Variants in PATJ observed in about 807,000 individuals in gnomAD.
PATJ encodes the protein PATJ crumbs cell polarity complex component, also known as inaD-like protein.
In PATJ, 190 loss-of-function variants were observed where a neutral mutation model predicts 224.9. The observed-to-expected ratio is 0.84, with a 90% CI of 0.75 to 0.95. PATJ has a LOEUF of 0.95. Ranked by LOEUF, PATJ falls within the 40% of genes least tolerant of loss-of-function variation. The probability of loss-of-function intolerance (pLI) is 0.00; values close to 1 mark genes in which losing one functional copy is unlikely to be tolerated. For synonymous variants in PATJ, 769 were observed against 820.3 expected (o/e 0.94, Z 1.07); for missense variants, 2,121 against 2,270.3 (o/e 0.93, Z 1.34).
intron 41 of PATJ, among the ~76,000 whole-genome samples, chr1:62,133,324 G>C (rs780913161): frequency 1.3e-5 from 2 of 152,108 alleles, no homozygotes; most frequent in East Asian, 3.9e-4. Context: ...GCTCATACCT[G>C]TAATCCCAGC....
At chr1:61,954,755 GTT>G (rs1553219493) in intron 27 of PATJ, among the ~76,000 whole-genome samples, 1 of 74,286 alleles carries the variant, frequency 1.3e-5, no homozygotes, top group African/African-American at 3.8e-5. Flanking sequence ...AAACTCTATT[GTT>G]TTTTTTTTTT....
intron 7 of PATJ, among the ~76,000 whole-genome samples, chr1:61,785,535 G>C (rs1648320419): frequency 6.6e-6 from 1 of 152,156 alleles, no homozygotes; most frequent in Admixed American, 6.5e-5. Flanking sequence ...TTTGAAAGTT[G>C]TCCTTCTCTA....
At chr1:62,046,099 G>A (rs1652499761) in intron 30 of PATJ, among the ~76,000 whole-genome samples, 1 of 152,094 alleles carries the variant, frequency 6.6e-6, no homozygotes, top group Non-Finnish European at 1.5e-5. Context: ...CTACTTGGGA[G>A]GCTGAGGTGG....
intron 39 of PATJ, among the ~76,000 whole-genome samples, chr1:62,124,063 A>G (rs940057141): frequency 3.9e-5 from 6 of 151,928 alleles, no homozygotes; most frequent in African/African-American, 7.2e-5. Context: ...GATGATATCT[A>G]ATGAAAGTAG....
At chr1:61,758,115 A>G (rs994114544) in intron 1 of PATJ, among the ~76,000 whole-genome samples, 1 of 152,148 alleles carries the variant, frequency 6.6e-6, no homozygotes, top group African/African-American at 2.4e-5. Flanking sequence ...CTTCATCTGA[A>G]TGTGAAATCT....
At chr1:61,926,209 T>C (rs1675174297) in intron 26 of PATJ, among the ~76,000 whole-genome samples, 1 of 152,208 alleles carries the variant, frequency 6.6e-6, no homozygotes, top group South Asian at 2.1e-4. Flanking sequence ...GTACATCCCT[T>C]GCTCCAGCTG....
rs748629944 is a variant in PATJ, at chr1:62,114,255, G to A, written c.4655+9G>A. On this transcript the variant is annotated intron_variant, in intron 35 of 43. Transcript: ENST00000642238. The stretch of plus-strand genomic sequence containing the variant: ...AGCATCGTTGGGAAACGGTAAAGAC[G>A]TGCTGTGGGAGTTGGGATCTGCCTT... 18 of 1,612,580 alleles carry A rather than the reference G, an allele frequency of 1.1e-5. No individual in the cohort carries two copies. Among genetic ancestry groups the A allele is most frequent in the East Asian group, 2.2e-5 (1 of 44,868 alleles).
chr1:61,808,438 T>G (rs1028182967), intron 13 of PATJ, 36 bp from the exon 14 acceptor site: 2 of 1,348,478 alleles, frequency 1.5e-6, no homozygotes, highest in Non-Finnish European at 2.1e-6. Context: ...ACAGTTATGC[T>G]TTTACAAATA....
intron 41 of PATJ, among the ~76,000 whole-genome samples, chr1:62,141,395 C>T (rs986902429): frequency 2.0e-5 from 3 of 152,142 alleles, no homozygotes; most frequent in African/African-American, 7.2e-5. Context: ...ATGAGCATAG[C>T]CGGGCGCGTT....
Position 62,065,926 on chromosome 1 carries a change from T to C in PATJ, c.4126-13524T>C, listed in dbSNP as rs549063612. Among the ~76,000 whole-genome samples, 3 of 152,350 alleles carry C rather than the reference T, an allele frequency of 2.0e-5. 1 individual carries two copies. The highest frequency in any genetic ancestry group is 7.2e-5 in the African/African-American group (3 of 41,598). Reference sequence around the variant, plus strand: ...GCTTGGGCACTGTTCTCTGAGTCTATGAAGTTTTCGGTTTTCTGGGAAGCC... The same window carrying C: ...GCTTGGGCACTGTTCTCTGAGTCTACGAAGTTTTCGGTTTTCTGGGAAGCC... On this transcript the variant is annotated intron_variant, in intron 31 of 43. Transcript: ENST00000642238.
At chr1:61,933,888 A>C (rs1676410703) in intron 27 of PATJ, among the ~76,000 whole-genome samples, 1 of 152,152 alleles carries the variant, frequency 6.6e-6, no homozygotes, top group South Asian at 2.1e-4. Context: ...ATCAACAAAC[A>C]TACATGAATC....
intron 20 of PATJ, among the ~76,000 whole-genome samples, chr1:61,871,687 T>C (rs1557794690): frequency 6.7e-6 from 1 of 149,434 alleles, no homozygotes; most frequent in Non-Finnish European, 1.5e-5. Context: ...CTCAGCCTTC[T>C]GAGTAGCTGG....
chr1:61,943,577 A>C (rs1427770216), intron 27 of PATJ, among the ~76,000 whole-genome samples: 3 of 152,150 alleles, frequency 2.0e-5, no homozygotes, highest in African/African-American at 7.2e-5. Context: ...AGGTAAATGA[A>C]GCCGCCGGGA....
intron 21 of PATJ, among the ~76,000 whole-genome samples, chr1:61,883,523 G>A (rs1668374503): frequency 6.6e-6 from 1 of 152,072 alleles, no homozygotes; most frequent in Admixed American, 6.6e-5. Context: ...GCTGAGGCAG[G>A]TGGATCACCT....
At chr1:61,770,210 A>G (rs903763485) in intron 5 of PATJ, among the ~76,000 whole-genome samples, 1 of 152,206 alleles carries the variant, frequency 6.6e-6, no homozygotes, top group Non-Finnish European at 1.5e-5. Context: ...GTGACTTTGC[A>G]TCTTTGTTCT....
intron 1 of PATJ, among the ~76,000 whole-genome samples, chr1:61,746,876 G>A (rs764596138): frequency 3.9e-4 from 60 of 152,318 alleles, no homozygotes; most frequent in Non-Finnish European, 7.3e-4. Flanking sequence ...AAGTTAAAGA[G>A]AAAAATCTGT....
rs58104906 is a variant in PATJ at position 62,094,558 on chromosome 1, AACACACACACAC to A, written c.4377+9950_4377+9961del. Among the ~76,000 whole-genome samples the A allele has an allele frequency of 9.9e-3, 1,318 of 132,528 alleles. 17 individuals are homozygous for A. Among genetic ancestry groups the A allele is most frequent in the African/African-American group, 0.033 (1,161 of 35,112 alleles). The allele number at this position is 132,528 out of a possible 152,430, so 86.9% of individuals were successfully genotyped here. ...CTGAACCTAACCTAGATTCTGTCTCAACACACACACACACACACACACACACACACACACACA... is the reference window on the plus strand; with the variant it reads ...CTGAACCTAACCTAGATTCTGTCTCAACACACACACACACACACACACACA... On this transcript the variant is annotated intron_variant, in intron 33 of 43. Coordinates refer to ENST00000642238, the MANE Select transcript of PATJ (RefSeq NM_001350145.3).
intron 30 of PATJ, among the ~76,000 whole-genome samples, chr1:62,045,239 A>AT (rs1652316468): frequency 6.6e-6 from 1 of 151,956 alleles, no homozygotes; most frequent in Non-Finnish European, 1.5e-5. Context: ...AAAAAAAAAA[A>AT]GGAAATGTTT....
intron 42 of PATJ, among the ~76,000 whole-genome samples, chr1:62,152,677 AG>A (rs1668744847): frequency 6.6e-6 from 1 of 152,034 alleles, no homozygotes; most frequent in South Asian, 2.1e-4. Flanking sequence ...GTAAAAGAAA[AG>A]GAGCAGCAGT....
Sources: allele counts gnomAD v4.1 joint callset (sites outside exome capture counted in the v4.1 genomes callset), GRCh38; gene constraint gnomAD v4.1.1; transcripts MANE v1.5; gene names NCBI Gene and HGNC (gene_info 2026-07-23, HGNC 2026-07-21).